The following SGTA variants were observed in gnomAD, a reference collection of about 807,000 sequenced individuals.
The protein encoded by SGTA is small glutamine rich tetratricopeptide repeat co-chaperone alpha, also known as small glutamine-rich tetratricopeptide repeat-containing protein alpha.
A neutral mutation model predicts 44.3 loss-of-function variants in SGTA; 22 were observed. That is an observed-to-expected ratio of 0.50 (90% confidence interval 0.36 to 0.71). The LOEUF (loss-of-function observed/expected upper bound fraction) is 0.71, where lower values mean the gene tolerates loss of function less well. SGTA is among the 30% of genes least tolerant of loss of function. SGTA has a pLI of 0.00. For synonymous variants in SGTA, 174 were observed against 177.6 expected, an observed-to-expected ratio of 0.98 and a Z score of 0.16; for missense variants, 341 against 435.9, an observed-to-expected ratio of 0.78 and a Z score of 1.94.
intron 1 of SGTA, chr19:2,770,419 C>T (rs1035623562): frequency 2.6e-5 from 4 of 152,286 alleles, no homozygotes; most frequent in Non-Finnish European, 4.4e-5. Flanking sequence ...GCAGGAAGCC[C>T]CGACGTGAGC....
At chr19:2,766,656 G>C (rs1280061813) in intron 4 of SGTA, among the ~76,000 whole-genome samples, 1 of 152,054 alleles carries the variant, frequency 6.6e-6, no homozygotes, top group East Asian at 1.9e-4. Context: ...GGCTAGGCTT[G>C]AACTCCTGAC....
In SGTA at chr19:2,761,411, T is replaced by TG. The variant is rs757082067; in HGVS notation, c.699+48dup. 11 of 1,481,718 alleles carry TG rather than the reference T, an allele frequency of 7.4e-6. No homozygotes were observed. The highest frequency in any genetic ancestry group is 4.2e-5 in the African/African-American group (3 of 71,092). The allele number at this position is 1,481,718 out of a possible 1,614,324, so 91.8% of individuals were successfully genotyped here. On this transcript the variant is annotated intron_variant, in intron 8 of 11. Transcript: ENST00000221566. The surrounding 1 kb of genome is among the most constrained non-coding windows in gnomAD (Gnocchi z 5.7). ...GTAGCGGACACAGCAGATGCGGGCC[T>TG]GGGGGGTGGCGCAGACACCATGGAC... is the stretch of plus-strand genomic sequence containing the variant.
Position 2,755,774 on chromosome 19 carries a change from G to A in SGTA, c.*166C>T. 1 of 985,568 alleles carries A rather than the reference G, an allele frequency of 1.0e-6. No individual in the cohort carries two copies. Among genetic ancestry groups the A allele is most frequent in the Non-Finnish European group, 1.2e-6 (1 of 830,020 alleles). The allele number at this position is 985,568 out of a possible 1,614,324, so 61.1% of individuals were successfully genotyped here. A position where few individuals can be genotyped will look rare whatever the true frequency, so the allele number is the denominator to read the frequency against. On this transcript the variant is annotated 3_prime_UTR_variant, in exon 12 of 12. Coordinates refer to ENST00000221566, the MANE Select transcript of SGTA (RefSeq NM_003021.4). This position sits in a 1 kb window ranked among gnomAD's most constrained non-coding sequence, Gnocchi z 5.2. ...GCTGTAAGGGAGTTACAAAAAGGGA[G>A]TGGAGGAGGGCAGAGATAAAAGGGG...
chr19:2,768,910 C>A (rs565758472), intron 2 of SGTA, 59 bp downstream of exon 2: 862 of 1,275,000 alleles, frequency 6.8e-4, no homozygotes, highest in South Asian at 1.0e-3. Flanking sequence ...GGTGTCTACA[C>A]GAGGCGACTG....
intron 1 of SGTA, among the ~76,000 whole-genome samples, chr19:2,778,503 C>T (rs566876890): frequency 4.6e-5 from 7 of 152,028 alleles, no homozygotes; most frequent in Non-Finnish European, 8.8e-5. Flanking sequence ...CACCGCCCCC[C>T]CCGGCCCCCG....
chr19:2,771,708 C>A (rs1047700538), intron 1 of SGTA, among the ~76,000 whole-genome samples: 31 of 152,208 alleles, frequency 2.0e-4, no homozygotes, highest in Non-Finnish European at 4.0e-4. Flanking sequence ...ATTCCAGAAA[C>A]GCTGCCCGGC....
In SGTA at chr19:2,755,584, C is replaced by A. The variant is rs373137712; in HGVS notation, c.*356G>T. On this transcript the variant is annotated 3_prime_UTR_variant, in exon 12 of 12. Transcript: ENST00000221566. This position sits in a 1 kb window ranked among gnomAD's most constrained non-coding sequence, Gnocchi z 5.2. ...AAAAGGCTTTGGAAGCCACACGATC[C>A]GCCACACGGCTGAACGTGAAACCTG... 3 of 985,474 alleles carry A rather than the reference C, an allele frequency of 3.0e-6. No individual in the cohort carries two copies. The South Asian group carries it at 1.4e-4, about 46-fold the overall frequency. The allele number at this position is 985,474 out of a possible 1,614,324, so 61.0% of individuals were successfully genotyped here. A position where few individuals can be genotyped will look rare whatever the true frequency, so the allele number is the denominator to read the frequency against.
At position 2,768,987 on chromosome 19, in the gene SGTA, C is replaced by A; in HGVS notation, c.82G>T (p.Ala28Ser). ...QLRHGGLSSD[A>S]QESLEVAIQC... ...CACCTACCTTCCAAGCTCTCCTGAG[C>A]ATCGGACGAGAGGCCCCCGTGCCGG... The change falls in exon 2 of 12, where the codon GCT becomes TCT. Residue 28 changes from alanine (A) to serine (S), a missense_variant. By Grantham distance (99) the Ala-to-Ser change is moderately conservative (BLOSUM62 1). Coordinates refer to ENST00000221566, the MANE Select transcript of SGTA (RefSeq NM_003021.4). The A allele has an allele frequency of 6.2e-7, 1 of 1,613,492 alleles. No homozygotes were observed.
At chr19:2,757,897 G>C in intron 9 of SGTA, 115 bp from the exon 10 acceptor site, 1 of 665,588 alleles carries the variant, frequency 1.5e-6, no homozygotes, top group Non-Finnish European at 2.4e-6. Context: ...TCCCCTGCAG[G>C]AGAGGATTCT....
At chr19:2,778,632 A>G (rs1178806981) in intron 1 of SGTA, among the ~76,000 whole-genome samples, 1 of 152,032 alleles carries the variant, frequency 6.6e-6, no homozygotes, top group Non-Finnish European at 1.5e-5. Context: ...AGGGGATGCC[A>G]CGGATCCCCA....
intron 1 of SGTA, among the ~76,000 whole-genome samples, chr19:2,769,646 C>G (rs1257534428): frequency 1.3e-5 from 2 of 152,216 alleles, no homozygotes; most frequent in Non-Finnish European, 2.9e-5. Context: ...CCTGGTATCA[C>G]TGTTTCACAG....
chr19:2,755,989 CCA>C lies in SGTA; in HGVS notation c.*7-58_*7-57del. ...AGCGCAGGTGGGGACCAAGGCTGCA[CCA>C]CACACTCCAGGCAGCAGGAGAGGCC... On this transcript the variant is annotated intron_variant, in intron 11 of 11. Transcript: ENST00000221566. The surrounding 1 kb of genome is among the most constrained non-coding windows in gnomAD (Gnocchi z 5.2). 6.4e-6 allele frequency: 6 copies of C among 942,948 alleles called. No homozygotes were observed. The highest frequency in any genetic ancestry group is 7.6e-6 in the Non-Finnish European group (6 of 791,454). 58.4% of individuals were successfully genotyped at this position (942,948 alleles called of 1,614,324 possible).
At chr19:2,781,710 G>A (rs1045480989) in intron 1 of SGTA, among the ~76,000 whole-genome samples, 3 of 152,008 alleles carry the variant, frequency 2.0e-5, no homozygotes, top group Non-Finnish European at 2.9e-5. Flanking sequence ...AGTCTGACTT[G>A]AGAAGCTAAA....
At chr19:2,757,617 T>C in intron 10 of SGTA, 76 bp downstream of exon 10, 1 of 1,448,506 alleles carries the variant, frequency 6.9e-7, no homozygotes. Context: ...GCACTTTCGC[T>C]CTCCTCCTTC....
Position 2,759,275 on chromosome 19 carries a change from T to C in SGTA, c.719A>G (p.Asn240Ser). 6 of 1,614,132 alleles carry C rather than the reference T, an allele frequency of 3.7e-6. No homozygotes were observed. The highest frequency in any genetic ancestry group is 1.7e-5 in the Admixed American group (1 of 60,028). Residue 240 changes from asparagine (N) to serine (S), a missense_variant, in exon 9 of 12, where the codon AAT (asparagine) becomes AGT (serine). Transcript: ENST00000221566. The part of the protein sequence containing the change: ...FMSMASNLMN[N>S]PQIQQLMSGM... ...CACTTACAGCTGCTGAATCTGGGGA[T>C]TGTTCATTAGGTTCGAAGCCTGAAG...
chr19:2,779,162 G>A (rs1915514535), intron 1 of SGTA, among the ~76,000 whole-genome samples: 1 of 152,202 alleles, frequency 6.6e-6, no homozygotes, highest in Non-Finnish European at 1.5e-5. Context: ...AGAAAGGCTG[G>A]AAGTCAGTAC....
chr19:2,780,693 T>C (rs1370428435), intron 1 of SGTA, among the ~76,000 whole-genome samples: 1 of 152,208 alleles, frequency 6.6e-6, no homozygotes, highest in Non-Finnish European at 1.5e-5. Flanking sequence ...CTAAACCCTA[T>C]GGACTCAGGA....
Position 2,783,222 on chromosome 19 carries a change from C to T in SGTA, c.-24+11G>A, listed in dbSNP as rs1051050094. On this transcript the variant is annotated intron_variant, in intron 1 of 11. Transcript: ENST00000221566. The stretch of plus-strand genomic sequence containing the variant: ...AGACCCACCAGGCTCAGCGCAGTGC[C>T]CCTCACTCACCTCTCAGGCGACCGA... 1 of 152,298 alleles carries T rather than the reference C, an allele frequency of 6.6e-6. No individual in the cohort carries two copies. The highest frequency in any genetic ancestry group is 1.5e-5 in the Non-Finnish European group (1 of 68,086). 9.4% of individuals were successfully genotyped at this position (152,298 alleles called of 1,614,324 possible). A position where few individuals can be genotyped will look rare whatever the true frequency, so the allele number is the denominator to read the frequency against.
chr19:2,766,793 G>C (rs1436693367), intron 4 of SGTA, among the ~76,000 whole-genome samples: 1 of 151,686 alleles, frequency 6.6e-6, no homozygotes, highest in African/African-American at 2.4e-5. Context: ...TCTGGGTTTT[G>C]GTGGACATGT....
Sources: gnomAD v4.1 joint callset for allele counts (sites outside exome capture counted in the v4.1 genomes callset) on GRCh38, gnomAD v4.1.1 for gene constraint, Gnocchi (gnomAD v3.1) non-coding constraint, MANE v1.5 for transcripts, NCBI Gene and HGNC (gene_info 2026-07-23, HGNC 2026-07-21) for gene names.